The following APOOL variants were observed in gnomAD, a reference collection of about 807,000 sequenced individuals.
The protein encoded by APOOL is MICOS complex subunit MIC27.
Under a neutral mutation model 23.1 loss-of-function variants are expected in APOOL, and 12 were observed. The ratio of observed to expected loss-of-function variants is 0.52; its 90% confidence interval spans 0.33 to 0.84. The LOEUF (loss-of-function observed/expected upper bound fraction) is 0.84. Among genes scored for constraint, APOOL ranks in the 40% least tolerant of loss-of-function variants. The pLI is 0.02. For missense variants in APOOL, 212 were observed against 199.6 expected, an observed-to-expected ratio of 1.06 and a Z score of -0.37; for synonymous variants, 77 against 69.9, an observed-to-expected ratio of 1.10 and a Z score of -0.51.
intron 1 of APOOL, among the ~76,000 whole-genome samples, chrX:85,027,075 A>C (rs961907931): frequency 8.9e-6 from 1 of 111,993 alleles, no homozygotes; most frequent in Admixed American, 9.5e-5. Flanking sequence ...ATTGGCTCAC[A>C]GTTTTGCAGG....
At chrX:85,067,099 A>G (rs1923485623) in intron 5 of APOOL, 28 bp from the exon 6 acceptor site, 1 of 948,679 alleles carries the variant, frequency 1.1e-6, no homozygotes, top group Non-Finnish European at 1.5e-6. Flanking sequence ...ATATATTTGG[A>G]GTTTAATAAT....
At chrX:85,040,081 A>G (rs2147640626) in intron 1 of APOOL, among the ~76,000 whole-genome samples, 1 of 112,169 alleles carries the variant, frequency 8.9e-6, no homozygotes, top group African/African-American at 3.2e-5. Context: ...GACCTCTCGT[A>G]AGGCAGATCT....
At chrX:85,021,809 AAAGT>A (rs1921673702) in intron 1 of APOOL, among the ~76,000 whole-genome samples, 1 of 112,342 alleles carries the variant, frequency 8.9e-6, no homozygotes, top group Non-Finnish European at 1.9e-5. Context: ...AAGATCAGTG[AAAGT>A]AAGAGTTGAT....
At chrX:85,048,624 C>T (rs191106667) in intron 2 of APOOL, among the ~76,000 whole-genome samples, 77 of 111,674 alleles carry the variant, frequency 6.9e-4, no homozygotes, top group African/African-American at 2.4e-3. Flanking sequence ...GTGATTTATG[C>T]GCAACATTTC....
At chrX:85,062,218 GT>G (rs112444877) in intron 5 of APOOL, among the ~76,000 whole-genome samples, 1 of 110,557 alleles carries the variant, frequency 9.0e-6, no homozygotes, top group African/African-American at 3.3e-5. Context: ...GGGGTTCTTA[GT>G]TTTTTTTCTT....
chrX:85,029,802 C>A (rs1373351418), intron 1 of APOOL, among the ~76,000 whole-genome samples: 3 of 111,913 alleles, frequency 2.7e-5, no homozygotes, highest in African/African-American at 9.7e-5. Flanking sequence ...CAAATTAAAT[C>A]CACAATGAGC....
At chrX:85,076,704 C>G (rs1273110306) in intron 8 of APOOL, among the ~76,000 whole-genome samples, 2 of 110,408 alleles carry the variant, frequency 1.8e-5, no homozygotes, top group African/African-American at 3.3e-5. Context: ...ATGGCTATAA[C>G]TTATCACCAT....
chrX:85,075,282 A>T (rs978664439), intron 8 of APOOL, among the ~76,000 whole-genome samples: 1 of 111,050 alleles, frequency 9.0e-6, no homozygotes, highest in Admixed American at 9.7e-5. Flanking sequence ...TGGATCGGTA[A>T]TTATTCCCAT....
intron 3 of APOOL, among the ~76,000 whole-genome samples, chrX:85,053,014 AT>A (rs998152980): frequency 1.8e-5 from 2 of 111,318 alleles, no homozygotes; most frequent in Non-Finnish European, 3.8e-5. Flanking sequence ...AATGTAAACA[AT>A]TTTTTTTCCT....
intron 2 of APOOL, 94 bp downstream of exon 2, chrX:85,046,644 C>A (rs1168176235): frequency 2.0e-5 from 14 of 696,808 alleles, no homozygotes; most frequent in Non-Finnish European, 3.0e-5. Context: ...TCAAAAATGT[C>A]TTAGAAGTCT....
At chrX:85,015,768 A>G (rs1364403454) in intron 1 of APOOL, among the ~76,000 whole-genome samples, 4 of 110,786 alleles carry the variant, frequency 3.6e-5, no homozygotes, top group African/African-American at 1.3e-4. Context: ...GGGTTTCACC[A>G]TGTTGGCCAG....
chrX:85,070,306 TAGA>T (rs1466049416), intron 6 of APOOL, among the ~76,000 whole-genome samples: 1 of 111,534 alleles, frequency 9.0e-6, no homozygotes, highest in African/African-American at 3.3e-5. Flanking sequence ...ATGATAAGTC[TAGA>T]AGGTCCTTTG....
chrX:85,046,133 A>G (rs1922566349), intron 1 of APOOL, among the ~76,000 whole-genome samples: 1 of 110,848 alleles, frequency 9.0e-6, no homozygotes, highest in Non-Finnish European at 1.9e-5. Context: ...GACCAATCCC[A>G]CTCCATTCCT....
At chrX:85,053,882 A>G (rs1922863375) in intron 3 of APOOL, among the ~76,000 whole-genome samples, 1 of 111,545 alleles carries the variant, frequency 9.0e-6, no homozygotes, top group African/African-American at 3.2e-5. Context: ...TCTAATGCAC[A>G]CTAAGAAAAG....
chrX:85,026,668 G>T (rs4828122), intron 1 of APOOL, among the ~76,000 whole-genome samples: 4 of 110,202 alleles, frequency 3.6e-5, no homozygotes, highest in Non-Finnish European at 5.7e-5. Context: ...CTACCAGATA[G>T]GCTAGGTCAT....
At chrX:85,059,860 G>A (rs1196979987) in intron 5 of APOOL, among the ~76,000 whole-genome samples, 2 of 110,401 alleles carry the variant, frequency 1.8e-5, no homozygotes, top group African/African-American at 6.7e-5. Context: ...TTCTTTTGCT[G>A]TGCAGAAGCT....
chrX:85,025,385 G>A (rs912679803), intron 1 of APOOL, among the ~76,000 whole-genome samples: 4 of 111,304 alleles, frequency 3.6e-5, no homozygotes, highest in African/African-American at 9.8e-5. Flanking sequence ...CACCTCTGGC[G>A]CCTCCTAAAT....
At chrX:85,044,147 A>G (rs1222557201) in intron 1 of APOOL, among the ~76,000 whole-genome samples, 1 of 111,469 alleles carries the variant, frequency 9.0e-6, no homozygotes, top group Admixed American at 9.6e-5. Flanking sequence ...AATTTAAATA[A>G]CCACATGTGG....
chrX:85,076,339 G>A (rs1290665318), intron 8 of APOOL, among the ~76,000 whole-genome samples: 1 of 106,200 alleles, frequency 9.4e-6, no homozygotes. Flanking sequence ...TTTTTTTTTG[G>A]CCATGAGAAA....
Sources: allele counts gnomAD v4.1 joint callset (sites outside exome capture counted in the v4.1 genomes callset), GRCh38; gene constraint gnomAD v4.1.1; transcripts MANE v1.5; gene names NCBI Gene and HGNC (gene_info 2026-07-23, HGNC 2026-07-21).